Variants in DST observed in about 807,000 individuals in gnomAD.
DST encodes dystonin, also known as bullous pemphigoid antigen.
A neutral mutation model predicts 875.2 loss-of-function variants in DST; 253 were observed. That is an observed-to-expected ratio of 0.29 (90% CI 0.26 to 0.32). The LOEUF (loss-of-function observed/expected upper bound fraction) is 0.32, where lower values mean the gene tolerates loss of function less well. Ranked by LOEUF, DST falls within the 10% of genes least tolerant of loss-of-function variation. DST has a pLI of 1.00. For missense variants in DST, 8,287 were observed against 9,111.6 expected, an observed-to-expected ratio of 0.91 and a Z score of 3.68; for synonymous variants, 3,124 against 3,197.1, an observed-to-expected ratio of 0.98 and a Z score of 0.77.
chr6:56,780,088 G>T (rs2099689628), intron 4 of DST, among the ~76,000 whole-genome samples: 1 of 151,686 alleles, frequency 6.6e-6, no homozygotes, highest in Non-Finnish European at 1.5e-5. Context: ...GTATTCCATG[G>T]TGCATATGTG....
intron 13 of DST, 42 bp from the exon 14 acceptor site, chr6:56,646,224 G>A (rs771860933): frequency 8.5e-7 from 1 of 1,173,860 alleles, no homozygotes; most frequent in South Asian, 1.5e-5. Flanking sequence ...AAACTTAAAA[G>A]ATCTGTTTTC....
intron 4 of DST, among the ~76,000 whole-genome samples, chr6:56,781,771 T>C (rs1404536428): frequency 6.6e-6 from 1 of 151,968 alleles, no homozygotes; most frequent in South Asian, 2.1e-4. Flanking sequence ...TGAATAGGAG[T>C]GGTGAGAGAG....
intron 3 of DST, among the ~76,000 whole-genome samples, chr6:56,893,116 A>G (rs574075561): frequency 1.3e-5 from 2 of 152,344 alleles, no homozygotes; most frequent in Non-Finnish European, 2.9e-5. Flanking sequence ...CAAGCAGTAT[A>G]CATTGTACCA....
chr6:56,615,943 C>G, intron 36 of DST: 1 of 1,614,240 alleles, frequency 6.2e-7, no homozygotes. Flanking sequence ...CCTCATCAAC[C>G]AGGCCTCTAT....
rs1350398930 is a variant in DST at position 56,466,200 on chromosome 6, T to G, written c.22570-5A>C. On this transcript the variant is annotated splice_region_variant and splice_polypyrimidine_tract_variant and intron_variant, in intron 98 of 103. Transcript: ENST00000680361. Reference sequence around the variant, plus strand: ...CAGTTGCTGGGAGTCTCCAAACTGTTCAGTGAAGAAAGAAAGAACCTCTAG... The same window carrying G: ...CAGTTGCTGGGAGTCTCCAAACTGTGCAGTGAAGAAAGAAAGAACCTCTAG... The G allele has an allele frequency of 1.3e-6, 2 of 1,579,842 alleles. No homozygotes were observed. The highest frequency in any genetic ancestry group is 1.7e-6 in the Non-Finnish European group (2 of 1,162,820).
At chr6:56,892,959 G>C (rs1788307861) in intron 3 of DST, among the ~76,000 whole-genome samples, 1 of 151,972 alleles carries the variant, frequency 6.6e-6, no homozygotes, top group Admixed American at 6.6e-5. Context: ...TGTCAGCTCA[G>C]TTCATCCTCA....
intron 2 of DST, among the ~76,000 whole-genome samples, chr6:56,930,693 G>A (rs6932491): frequency 0.019 from 2,923 of 152,136 alleles, 92 homozygotes; most frequent in African/African-American, 0.066. Flanking sequence ...TGCTATATAA[G>A]ACCTAATTTC....
At chr6:56,740,876 G>T (rs546587690) in intron 4 of DST, among the ~76,000 whole-genome samples, 1 of 151,670 alleles carries the variant, frequency 6.6e-6, no homozygotes, top group East Asian at 1.9e-4. Context: ...TAACAACCAA[G>T]GCCCCTGATG....
intron 2 of DST, 96 bp downstream of exon 2, chr6:56,953,689 A>G: frequency 2.3e-6 from 2 of 869,526 alleles, no homozygotes; most frequent in Non-Finnish European, 3.2e-6. Context: ...TTCGTCATTC[A>G]GTGTCCTACT....
intron 23 of DST, 146 bp downstream of exon 23, chr6:56,636,411 T>TACAC (rs564139907): frequency 1.5e-6 from 1 of 663,914 alleles, no homozygotes; most frequent in Non-Finnish European, 2.7e-6. Context: ...TGTATATATA[T>TACAC]ACACACATAT....
Position 56,646,111 on chromosome 6 carries a change from A to G in DST, c.1626T>C (p.Ile542=). 6.5e-7 allele frequency: 1 copy of G among 1,546,968 alleles called. No individual in the cohort carries two copies. Among genetic ancestry groups the G allele is most frequent in the South Asian group, 1.2e-5 (1 of 83,744 alleles). The change falls in exon 14 of 104, where the codon ATT becomes ATC. Residue 542 remains isoleucine (I), a synonymous_variant. Transcript: ENST00000680361. ...CCTCTAATAATTTATATAGACGTTTAATTTTTGATTTTTCTGTCTCCTTTG... is the reference window on the plus strand; with the variant it reads ...CCTCTAATAATTTATATAGACGTTTGATTTTTGATTTTTCTGTCTCCTTTG... The part of the protein sequence containing the change: ...IPPKETEKSK[I]KRLYKLLEIW...
In DST at chr6:56,509,754, C is replaced by T. The variant is rs763926477; in HGVS notation, c.18900G>A (p.Lys6300=). The T allele has an allele frequency of 1.2e-6, 2 of 1,613,716 alleles. No homozygotes were observed. Among genetic ancestry groups the T allele is most frequent in the South Asian group, 1.1e-5 (1 of 91,066 alleles). The change falls in exon 74 of 104, where the codon AAG becomes AAA. Residue 6300 remains lysine, a synonymous_variant. Coordinates refer to ENST00000680361, the MANE Select transcript of DST (RefSeq NM_001374736.1). The part of the protein sequence containing the change: ...EKIKEQISEN[K]NVSVDMEKLQ... ...GCTTTTCCATGTCTACTGACACATT[C>T]TTATTTTCACTGATCTGTTCCTTGA... is the stretch of plus-strand genomic sequence containing the variant.
Position 56,762,170 on chromosome 6 carries a change from G to A in DST, c.626-26881C>T, listed in dbSNP as rs150282992. ...TGAGTAGCTGGGATTACAGGTATGCGCCACCACGCCCGGCTAATTTTTTGT... is the reference window on the plus strand; with the variant it reads ...TGAGTAGCTGGGATTACAGGTATGCACCACCACGCCCGGCTAATTTTTTGT... On this transcript the variant is annotated intron_variant, in intron 4 of 103. Transcript: ENST00000680361. Among the ~76,000 whole-genome samples the A allele has an allele frequency of 6.8e-3, 1,035 of 152,166 alleles. 4 individuals are homozygous for A. Among genetic ancestry groups the A allele is most frequent in the Non-Finnish European group, 9.5e-3 (647 of 68,006 alleles).
Position 56,553,226 on chromosome 6 carries a change from A to G in DST, c.15566T>C (p.Leu5189Pro). ...ATCCAAGCAAAATTTTATTTCCTCC[A>G]GGTTGTTTTGGCATTTGTCTATCCA... ...WPWIDKCQNN[L>P]EEIKFCLDPA... The change falls in exon 61 of 104, where the codon CTG (leucine) becomes CCG (proline). Residue 5189 changes from leucine (L) to proline (P), a missense_variant. Coordinates refer to ENST00000680361, the MANE Select transcript of DST (RefSeq NM_001374736.1). The G allele has an allele frequency of 6.2e-7, 1 of 1,613,882 alleles. No homozygotes were observed. Among genetic ancestry groups the G allele is most frequent in the Non-Finnish European group, 8.5e-7 (1 of 1,179,892 alleles).
chr6:56,673,602 T>C (rs1345560358), intron 9 of DST, among the ~76,000 whole-genome samples: 2 of 152,252 alleles, frequency 1.3e-5, no homozygotes, highest in Admixed American at 6.5e-5. Context: ...ATAGCCTAAA[T>C]GTCAAGAGAA....
intron 86 of DST, among the ~76,000 whole-genome samples, chr6:56,487,911 A>AT (rs2095617607): frequency 6.6e-6 from 1 of 152,240 alleles, no homozygotes; most frequent in Non-Finnish European, 1.5e-5. Flanking sequence ...GCAAATTAAA[A>AT]TTACCCTAGA....
chr6:56,642,906 A>G (rs1376067811), intron 15 of DST: 11 of 1,559,700 alleles, frequency 7.1e-6, no homozygotes, highest in South Asian at 1.2e-5. Flanking sequence ...TACAGCTTTT[A>G]GTGGCTCCTT....
At chr6:56,800,906 G>A (rs917662300) in intron 4 of DST, among the ~76,000 whole-genome samples, 1 of 151,702 alleles carries the variant, frequency 6.6e-6, no homozygotes, top group African/African-American at 2.4e-5. Flanking sequence ...TGTAGCCCCA[G>A]GTACTCAGGA....
At chr6:56,518,111 C>T (rs996860358) in intron 69 of DST, among the ~76,000 whole-genome samples, 1 of 152,140 alleles carries the variant, frequency 6.6e-6, no homozygotes, top group Non-Finnish European at 1.5e-5. Flanking sequence ...TGTAAATATA[C>T]ATCTCTATAT....
Sources: allele counts gnomAD v4.1 joint callset (sites outside exome capture counted in the v4.1 genomes callset), GRCh38; gene constraint gnomAD v4.1.1; transcripts MANE v1.5; gene names NCBI Gene and HGNC (gene_info 2026-07-23, HGNC 2026-07-21).